The following TENM3 variants were observed in gnomAD, a reference collection of about 807,000 sequenced individuals.
TENM3 encodes the protein teneurin-3.
A neutral mutation model predicts 255.1 loss-of-function variants in TENM3; 63 were observed. The ratio of observed to expected loss-of-function variants is 0.25; its 90% CI spans 0.20 to 0.30. The LOEUF (loss-of-function observed/expected upper bound fraction) is 0.30. Among genes scored for constraint, TENM3 ranks in the 10% least tolerant of loss-of-function variants. The pLI is 1.00. For synonymous variants in TENM3, 1,306 were observed against 1,322.3 expected, an observed-to-expected ratio of 0.99 and a Z score of 0.27; for missense variants, 2,929 against 3,461.1, an observed-to-expected ratio of 0.85 and a Z score of 3.86.
chr4:182,709,526 G>A (rs577708126), intron 12 of TENM3, among the ~76,000 whole-genome samples: 36 of 151,992 alleles, frequency 2.4e-4, no homozygotes, highest in Admixed American at 2.3e-3. Context: ...ATTTCTAATG[G>A]CTTCTTACAA....
At chr4:181,986,770 T>C in the TENM3 span, among the ~76,000 whole-genome samples, 1 of 152,010 alleles carries the variant, frequency 6.6e-6, no homozygotes, top group Non-Finnish European at 1.5e-5. Context: ...TACAAAATCC[T>C]CAGAGGATTA....
chr4:182,636,329 ACT>A (rs960056235), intron 5 of TENM3, among the ~76,000 whole-genome samples: 11 of 152,100 alleles, frequency 7.2e-5, no homozygotes, highest in African/African-American at 2.4e-4. Flanking sequence ...GTGATTAAAG[ACT>A]CAGAATAAAA....
chr4:182,170,288 C>A (rs1046428921), intron 1 of TENM3, among the ~76,000 whole-genome samples: 4 of 152,036 alleles, frequency 2.6e-5, no homozygotes, highest in African/African-American at 9.7e-5. Context: ...ATGATTTTTT[C>A]ATTGCATTTC....
the TENM3 span, among the ~76,000 whole-genome samples, chr4:181,659,109 G>A: frequency 2.6e-5 from 4 of 152,152 alleles, no homozygotes; most frequent in Non-Finnish European, 4.4e-5. Context: ...TCCCAATATC[G>A]TAAGAACAGA....
At chr4:181,695,744 C>A in the TENM3 span, among the ~76,000 whole-genome samples, 1 of 152,180 alleles carries the variant, frequency 6.6e-6, no homozygotes, top group African/African-American at 2.4e-5. Flanking sequence ...TAACAAAGTA[C>A]TTCGTTAAGC....
At chr4:181,771,427 G>A in the TENM3 span, among the ~76,000 whole-genome samples, 1 of 152,134 alleles carries the variant, frequency 6.6e-6, no homozygotes, top group Non-Finnish European at 1.5e-5. Flanking sequence ...GCCAAGGGTT[G>A]AAGAAAAAAA....
At chr4:181,559,238 CTCCTGATTAT>C in the TENM3 span, among the ~76,000 whole-genome samples, 5 of 152,198 alleles carry the variant, frequency 3.3e-5, no homozygotes, top group Middle Eastern at 3.4e-3. Context: ...TTCTGATAAT[CTCCTGATTAT>C]TCAACGATTT....
At chr4:182,210,611 CT>C (rs899376290) in intron 1 of TENM3, among the ~76,000 whole-genome samples, 129 of 136,742 alleles carry the variant, frequency 9.4e-4, no homozygotes, top group Middle Eastern at 3.8e-3. Context: ...CATTTTCCCC[CT>C]CTCTAGTTTT....
At chr4:181,577,308 C>T in the TENM3 span, among the ~76,000 whole-genome samples, 10 of 147,514 alleles carry the variant, frequency 6.8e-5, no homozygotes, top group South Asian at 2.1e-4. Flanking sequence ...CCCAAAGTGC[C>T]GGGATTACAG....
chr4:182,579,003 A>T (rs1745219853), intron 3 of TENM3, among the ~76,000 whole-genome samples: 1 of 152,090 alleles, frequency 6.6e-6, no homozygotes, highest in African/African-American at 2.4e-5. Context: ...ATTATTTTGC[A>T]CCTGCCTGAG....
chr4:181,643,064 G>A, the TENM3 span, among the ~76,000 whole-genome samples: 1 of 152,092 alleles, frequency 6.6e-6, no homozygotes, highest in Non-Finnish European at 1.5e-5. Flanking sequence ...AGCTTGATGG[G>A]GATAGCATTG....
intron 5 of TENM3, among the ~76,000 whole-genome samples, chr4:182,651,930 C>T (rs1753344625): frequency 6.6e-6 from 1 of 152,108 alleles, no homozygotes; most frequent in Admixed American, 6.6e-5. Flanking sequence ...TAGTTAATTA[C>T]ATATAGTAGT....
chr4:182,302,052 C>A (rs968593312), intron 1 of TENM3, among the ~76,000 whole-genome samples: 1 of 152,052 alleles, frequency 6.6e-6, no homozygotes, highest in Non-Finnish European at 1.5e-5. Context: ...TTTTATCAAC[C>A]CTGCTAGCCA....
At chr4:182,095,175 G>A in the TENM3 span, among the ~76,000 whole-genome samples, 1 of 152,094 alleles carries the variant, frequency 6.6e-6, no homozygotes, top group Non-Finnish European at 1.5e-5. Context: ...GCACTGCTGG[G>A]TATATATCCA....
the TENM3 span, among the ~76,000 whole-genome samples, chr4:182,008,985 T>A: frequency 6.6e-6 from 1 of 152,094 alleles, no homozygotes; most frequent in East Asian, 1.9e-4. Context: ...AATAGTCAGG[T>A]CCCTCTTCTT....
At chr4:181,618,919 G>A in the TENM3 span, among the ~76,000 whole-genome samples, 3 of 152,186 alleles carry the variant, frequency 2.0e-5, no homozygotes, top group South Asian at 4.1e-4. Context: ...TGCTTGCTGT[G>A]ATGGGTGCTT....
chr4:181,773,505 C>A, the TENM3 span, among the ~76,000 whole-genome samples: 1 of 152,164 alleles, frequency 6.6e-6, no homozygotes, highest in Non-Finnish European at 1.5e-5. Context: ...TGTAAATGCT[C>A]TATGCGAAGC....
the TENM3 span, among the ~76,000 whole-genome samples, chr4:181,568,652 T>A: frequency 6.6e-6 from 1 of 152,328 alleles, no homozygotes; most frequent in Non-Finnish European, 1.5e-5. Context: ...TGTGCTGACC[T>A]ATTTCTTTCT....
the TENM3 span, among the ~76,000 whole-genome samples, chr4:181,996,159 TAAAAAA>T: frequency 7.0e-4 from 97 of 139,040 alleles, no homozygotes; most frequent in African/African-American, 2.4e-3. Context: ...TCGCTACGGT[TAAAAAA>T]AAAAAAAAAA....
Sources: allele counts gnomAD v4.1 joint callset (sites outside exome capture counted in the v4.1 genomes callset), GRCh38; gene constraint gnomAD v4.1.1; transcripts MANE v1.5; gene names NCBI Gene and HGNC (gene_info 2026-07-23, HGNC 2026-07-21).